The following TJP1 variants were observed in gnomAD, a reference collection of about 807,000 sequenced individuals.
The protein encoded by TJP1 is tight junction protein ZO-1.
In TJP1, 43 loss-of-function variants were observed where a neutral mutation model predicts 194.2. That is an observed-to-expected ratio of 0.22 (90% CI 0.17 to 0.29). The LOEUF is 0.29. Ranked by LOEUF, TJP1 falls within the 10% of genes least tolerant of loss-of-function variation. TJP1 has a pLI of 1.00. For missense variants in TJP1, 1,971 were observed against 2,185.7 expected (o/e 0.90, Z 1.96); for synonymous variants, 801 against 779.0 (o/e 1.03, Z -0.47).
chr15:29,870,969 C>T (rs943434704), intron 2 of TJP1, among the ~76,000 whole-genome samples: 3 of 152,186 alleles, frequency 2.0e-5, no homozygotes, highest in Admixed American at 1.3e-4. Flanking sequence ...AGGGAACTGG[C>T]GGCCAGCCCC....
At chr15:29,769,859 T>C (rs907741928) in intron 4 of TJP1, among the ~76,000 whole-genome samples, 2 of 152,234 alleles carry the variant, frequency 1.3e-5, no homozygotes, top group Admixed American at 1.3e-4. Context: ...ATGTATTTAC[T>C]ATGCTAAACT....
At chr15:29,872,076 G>A (rs993077287) in intron 2 of TJP1, among the ~76,000 whole-genome samples, 4 of 152,148 alleles carry the variant, frequency 2.6e-5, no homozygotes, top group African/African-American at 4.8e-5. Flanking sequence ...AAGAAACCTC[G>A]TAGGCAGCGG....
intron 2 of TJP1, among the ~76,000 whole-genome samples, chr15:29,915,203 G>C (rs2054147509): frequency 6.6e-6 from 1 of 152,084 alleles, no homozygotes; most frequent in South Asian, 2.1e-4. Context: ...ACAAAGATGT[G>C]GAATAAGGCA....
chr15:29,728,820 G>C (rs183032539), intron 15 of TJP1: 22 of 152,326 alleles, frequency 1.4e-4, no homozygotes, highest in African/African-American at 5.1e-4. Context: ...ACTACCATAA[G>C]ACAAAGCACC....
At chr15:29,830,282 C>T (rs2050796481) in intron 2 of TJP1, among the ~76,000 whole-genome samples, 1 of 150,976 alleles carries the variant, frequency 6.6e-6, no homozygotes, top group Admixed American at 6.6e-5. Flanking sequence ...ATTAGCATGT[C>T]ATCTAATATG....
chr15:29,810,593 T>C (rs1479464576), intron 1 of TJP1, among the ~76,000 whole-genome samples: 4 of 152,166 alleles, frequency 2.6e-5, no homozygotes, highest in Non-Finnish European at 5.9e-5. Context: ...GTTAACAGCA[T>C]TGAAAAGGCA....
chr15:29,952,262 A>C (rs1250434469), intron 2 of TJP1, among the ~76,000 whole-genome samples: 1 of 152,250 alleles, frequency 6.6e-6, no homozygotes, highest in East Asian at 1.9e-4. Flanking sequence ...TGTTGAGTCC[A>C]GGCTATGCCT....
chr15:29,840,635 T>C (rs1017495099), intron 2 of TJP1, among the ~76,000 whole-genome samples: 1 of 152,124 alleles, frequency 6.6e-6, no homozygotes, highest in Non-Finnish European at 1.5e-5. Flanking sequence ...ACACGCCTCC[T>C]GAGGCCAGGC....
rs1171803604 is a variant in TJP1, at chr15:29,700,929, A to C, written c.*666T>G. The C allele has an allele frequency of 6.5e-6, 1 of 153,356 alleles. No homozygotes were observed. Among genetic ancestry groups the C allele is most frequent in the African/African-American group, 2.4e-5 (1 of 41,482 alleles). The allele number at this position is 153,356 out of a possible 1,614,324, so 9.5% of individuals were successfully genotyped here. A position where few individuals can be genotyped will look rare whatever the true frequency, so the allele number is the denominator to read the frequency against. On this transcript the variant is annotated 3_prime_UTR_variant, in exon 28 of 28. Coordinates refer to ENST00000614355, the MANE Select transcript of TJP1 (RefSeq NM_001330239.4). ...AGCTAAGAATTAAGAACATGAGGGT[A>C]AGGCATTTCTGCTGGTTAGTATGTC... is the stretch of plus-strand genomic sequence containing the variant.
At chr15:29,872,801 G>A (rs930099290) in intron 2 of TJP1, among the ~76,000 whole-genome samples, 2 of 152,116 alleles carry the variant, frequency 1.3e-5, no homozygotes, top group Admixed American at 1.3e-4. Flanking sequence ...ACACAGAAAG[G>A]TCCAGTCACC....
intron 2 of TJP1, among the ~76,000 whole-genome samples, chr15:29,833,488 G>A (rs2152049978): frequency 6.6e-6 from 1 of 151,990 alleles, no homozygotes; most frequent in Non-Finnish European, 1.5e-5. Flanking sequence ...CTGCCTCCCG[G>A]GTTCAAGCAA....
At chr15:29,732,344 C>A in intron 15 of TJP1, 89 bp downstream of exon 15, 1 of 1,180,046 alleles carries the variant, frequency 8.5e-7, no homozygotes, top group Non-Finnish European at 1.2e-6. Flanking sequence ...GACAAAAAGT[C>A]TTATTTTTAT....
intron 2 of TJP1, among the ~76,000 whole-genome samples, chr15:29,950,393 A>T (rs1376341002): frequency 6.9e-6 from 1 of 144,516 alleles, no homozygotes; most frequent in East Asian, 2.2e-4. Context: ...CACCACCATA[A>T]CCACCACCAC....
intron 2 of TJP1, among the ~76,000 whole-genome samples, chr15:29,937,511 T>G (rs1460817012): frequency 6.6e-6 from 1 of 152,244 alleles, no homozygotes; most frequent in Non-Finnish European, 1.5e-5. Context: ...TAAAAGCAAC[T>G]AGTTCTAAAG....
Position 29,877,643 on chromosome 15 carries a change from T to C in TJP1, c.307-76941A>G, listed in dbSNP as rs541904023. Among the ~76,000 whole-genome samples the C allele has an allele frequency of 3.0e-4, 46 of 151,634 alleles. 1 individual carries two copies. In the South Asian group the frequency reaches 9.7e-3, roughly 32 times the overall value. ...CTCCTCCTTCTTCTTTCTTCTTCTCTTTCTTTCTTTGTCTCTCTCTCTTTC... is the reference window on the plus strand; with the variant it reads ...CTCCTCCTTCTTCTTTCTTCTTCTCCTTCTTTCTTTGTCTCTCTCTCTTTC... On this transcript the variant is annotated intron_variant, in intron 2 of 28. Transcript: ENST00000356107.
intron 2 of TJP1, among the ~76,000 whole-genome samples, chr15:29,951,308 T>C (rs1392902354): frequency 6.6e-6 from 1 of 151,908 alleles, no homozygotes; most frequent in African/African-American, 2.4e-5. Flanking sequence ...GCTGGGATTA[T>C]AGGTGCCCGC....
At chr15:29,808,248 A>G (rs1457347632) in intron 1 of TJP1, among the ~76,000 whole-genome samples, 1 of 152,210 alleles carries the variant, frequency 6.6e-6, no homozygotes, top group Non-Finnish European at 1.5e-5. Flanking sequence ...AGCCTGGGTG[A>G]CACAGTGAGA....
chr15:29,836,330 T>G (rs1206594400), intron 2 of TJP1, among the ~76,000 whole-genome samples: 1 of 151,884 alleles, frequency 6.6e-6, no homozygotes, highest in African/African-American at 2.4e-5. Context: ...TGGAGTGCAG[T>G]TGCACAATCT....
At chr15:29,801,761 G>A (rs2048805771) in intron 1 of TJP1, among the ~76,000 whole-genome samples, 2 of 152,014 alleles carry the variant, frequency 1.3e-5, no homozygotes, top group Admixed American at 1.3e-4. Context: ...GCGCCCGGCC[G>A]AAAATAAATT....
Sources: gnomAD v4.1 joint callset for allele counts (sites outside exome capture counted in the v4.1 genomes callset) on GRCh38, gnomAD v4.1.1 for gene constraint, MANE v1.5 for transcripts, NCBI Gene and HGNC (gene_info 2026-07-23, HGNC 2026-07-21) for gene names.